Variants in CDH18 observed in about 807,000 individuals in gnomAD.
CDH18 encodes the protein cadherin-18.
Under a neutral mutation model 67.9 loss-of-function variants are expected in CDH18, and 31 were observed. The observed-to-expected ratio is 0.46, with a 90% confidence interval of 0.34 to 0.62. The LOEUF is 0.62. CDH18 is among the 20% of genes least tolerant of loss of function. The pLI, the probability that CDH18 is intolerant of heterozygous loss-of-function variation, is 0.01. For missense variants in CDH18, 890 were observed against 975.5 expected, an observed-to-expected ratio of 0.91 and a Z score of 1.17; for synonymous variants, 362 against 347.2, an observed-to-expected ratio of 1.04 and a Z score of -0.48.
chr5:20,215,457 TAAATAAATAAATAAAC>T (rs1286350393), intron 2 of CDH18, among the ~76,000 whole-genome samples: 3,651 of 120,938 alleles, frequency 0.03, 156 homozygotes, highest in African/African-American at 0.11. Context: ...AATAAATAAA[TAAATAAATAAATAAAC>T]AAACCAGATG....
At chr5:19,828,600 G>A (rs1780674058) in intron 3 of CDH18, among the ~76,000 whole-genome samples, 1 of 152,180 alleles carries the variant, frequency 6.6e-6, no homozygotes, top group African/African-American at 2.4e-5. Context: ...AAATCAATAA[G>A]CGTGATTCAT....
intron 10 of CDH18, among the ~76,000 whole-genome samples, chr5:19,508,541 C>T (rs347698): frequency 6.6e-6 from 1 of 151,610 alleles, no homozygotes; most frequent in Admixed American, 6.6e-5. Flanking sequence ...AATGATATTA[C>T]AAATTTAGTC....
Position 19,612,414 on chromosome 5 carries a change from C to G in CDH18, c.811+20G>C. ...TAAAGAGATAATGATAAATTCAAAT[C>G]ATGGAAAACAAATACGTACTTTGAG... On this transcript the variant is annotated intron_variant, in intron 6 of 12. Transcript: ENST00000382275. 2 of 1,610,516 alleles carry G rather than the reference C, an allele frequency of 1.2e-6. No individual in the cohort carries two copies. The highest frequency in any genetic ancestry group is 1.7e-6 in the Non-Finnish European group (2 of 1,177,118).
intron 3 of CDH18, among the ~76,000 whole-genome samples, chr5:19,756,848 G>T (rs1031269758): frequency 2.0e-5 from 3 of 152,188 alleles, no homozygotes; most frequent in Admixed American, 6.5e-5. Context: ...GATGGTGTGT[G>T]TTGCCACTTA....
At chr5:19,760,240 G>A (rs1772156843) in intron 3 of CDH18, among the ~76,000 whole-genome samples, 4 of 152,114 alleles carry the variant, frequency 2.6e-5, no homozygotes, top group African/African-American at 4.8e-5. Flanking sequence ...CTGATACACA[G>A]AGAAGAGCAA....
At chr5:19,849,149 G>T (rs537205355) in intron 2 of CDH18, among the ~76,000 whole-genome samples, 6 of 152,102 alleles carry the variant, frequency 3.9e-5, no homozygotes, top group African/African-American at 1.2e-4. Context: ...TAATGGATTT[G>T]AAAGGAAATG....
intron 1 of CDH18, among the ~76,000 whole-genome samples, chr5:20,542,716 TC>T (rs1317573565): frequency 3.3e-5 from 5 of 152,070 alleles, no homozygotes; most frequent in African/African-American, 1.2e-4. Context: ...TATAATGTAT[TC>T]TGTCTTCATT....
intron 1 of CDH18, among the ~76,000 whole-genome samples, chr5:20,417,551 T>C (rs1747417054): frequency 6.6e-6 from 1 of 152,208 alleles, no homozygotes; most frequent in Admixed American, 6.5e-5. Context: ...AACCCCATTT[T>C]GGTGTTCAAG....
chr5:20,046,079 G>A (rs1331298299), intron 2 of CDH18, among the ~76,000 whole-genome samples: 1 of 152,000 alleles, frequency 6.6e-6, no homozygotes, highest in Non-Finnish European at 1.5e-5. Context: ...AGCAGAAAAT[G>A]TAGAGACTTT....
intron 2 of CDH18, among the ~76,000 whole-genome samples, chr5:20,226,858 C>G (rs374459481): frequency 1.3e-5 from 2 of 152,096 alleles, no homozygotes; most frequent in South Asian, 2.1e-4. Context: ...CACACACATA[C>G]ACACACCTAT....
intron 11 of CDH18, among the ~76,000 whole-genome samples, chr5:19,489,286 C>A (rs192849935): frequency 7.6e-6 from 1 of 131,862 alleles, no homozygotes; most frequent in Non-Finnish European, 1.5e-5. Context: ...CTCTCTCTGT[C>A]GCCCAGGCTG....
intron 1 of CDH18, among the ~76,000 whole-genome samples, chr5:20,371,166 A>G (rs1250171484): frequency 2.0e-5 from 3 of 151,980 alleles, no homozygotes; most frequent in Non-Finnish European, 4.4e-5. Flanking sequence ...TTTGAAAGGT[A>G]TAGAAGTGGT....
At chr5:20,345,041 T>C (rs1454918244) in intron 1 of CDH18, among the ~76,000 whole-genome samples, 2 of 152,182 alleles carry the variant, frequency 1.3e-5, no homozygotes. Flanking sequence ...AGTCCCATTG[T>C]ATCCCTTATC....
chr5:19,553,155 C>A (rs556587084), intron 8 of CDH18, among the ~76,000 whole-genome samples: 81 of 152,216 alleles, frequency 5.3e-4, no homozygotes, highest in African/African-American at 1.9e-3. Context: ...TGGAACTCAG[C>A]TTCCCTTTGA....
intron 1 of CDH18, among the ~76,000 whole-genome samples, chr5:20,392,327 A>G (rs1483584236): frequency 1.3e-5 from 2 of 151,930 alleles, no homozygotes; most frequent in African/African-American, 4.8e-5. Context: ...ACAATGTCAA[A>G]CAAGAGAAAT....
At chr5:19,749,904 T>C (rs985541820) in intron 3 of CDH18, among the ~76,000 whole-genome samples, 2 of 151,816 alleles carry the variant, frequency 1.3e-5, no homozygotes, top group Non-Finnish European at 2.9e-5. Flanking sequence ...ACCTAGATTG[T>C]AATAAGATTA....
intron 2 of CDH18, among the ~76,000 whole-genome samples, chr5:20,164,295 G>T (rs1736120278): frequency 6.6e-6 from 1 of 151,812 alleles, no homozygotes; most frequent in African/African-American, 2.4e-5. Context: ...TTTGTTTTTT[G>T]TATTTTTTCA....
intron 5 of CDH18, among the ~76,000 whole-genome samples, chr5:19,717,386 G>A (rs1453723484): frequency 7.1e-6 from 1 of 140,548 alleles, no homozygotes; most frequent in Non-Finnish European, 1.5e-5. Flanking sequence ...AAACTACACT[G>A]GTCTTCCATT....
At chr5:20,432,886 TA>T (rs1049555393) in intron 1 of CDH18, among the ~76,000 whole-genome samples, 2 of 149,576 alleles carry the variant, frequency 1.3e-5, no homozygotes, top group Middle Eastern at 3.3e-3. Context: ...GTGTAAAAAT[TA>T]AAAAAAATTA....
Sources: allele counts gnomAD v4.1 joint callset (sites outside exome capture counted in the v4.1 genomes callset), GRCh38; gene constraint gnomAD v4.1.1; transcripts MANE v1.5; gene names NCBI Gene and HGNC (gene_info 2026-07-23, HGNC 2026-07-21).